Variants in RPL18 observed in about 807,000 individuals in gnomAD.
RPL18 encodes ribosomal protein L18.
RPL18 carries 4 observed loss-of-function variants against 25.0 expected under a neutral mutation model. The observed-to-expected ratio is 0.16, with a 90% CI of 0.08 to 0.37. The LOEUF (loss-of-function observed/expected upper bound fraction) is 0.37. Ranked by LOEUF, RPL18 falls within the 10% of genes least tolerant of loss-of-function variation. RPL18 has a pLI of 1.00. For synonymous variants in RPL18, 129 were observed against 101.6 expected (o/e 1.27, Z -1.62); for missense variants, 179 against 267.9 (o/e 0.67, Z 2.32).
At chr19:48,618,508 T>G (rs1974256323) in intron 1 of RPL18, 1 of 155,174 alleles carries the variant, frequency 6.4e-6, no homozygotes, top group African/African-American at 2.4e-5. Flanking sequence ...TTTTTCAGAC[T>G]GTGTTGACAA....
intron 1 of RPL18, 70 bp from the exon 2 acceptor site, chr19:48,617,947 A>C: frequency 8.2e-7 from 1 of 1,220,862 alleles, no homozygotes. Flanking sequence ...TTATTTCTGA[A>C]ACTGAGAGCT....
chr19:48,617,692 G>A, intron 2 of RPL18, 99 bp downstream of exon 2: 1 of 919,722 alleles, frequency 1.1e-6, no homozygotes. Flanking sequence ...AGACTGCTCT[G>A]CAGGCCCCTG....
chr19:48,616,830 G>C lies in RPL18; in HGVS notation c.199-6C>G. ...GGAAGCTTCATCTTCCGGATCTTAG[G>C]GTGGGGAGGATGTACGTCGTAAGTT... On this transcript the variant is annotated splice_polypyrimidine_tract_variant and splice_region_variant and intron_variant, in intron 3 of 6. Transcript: ENST00000549920. 1 of 1,606,934 alleles carries C rather than the reference G, an allele frequency of 6.2e-7. No individual in the cohort carries two copies.
At position 48,616,211 on chromosome 19, in the gene RPL18, G is replaced by T. The variant is rs533455813; in HGVS notation, c.298-9C>A. 1 of 1,613,418 alleles carries T rather than the reference G, an allele frequency of 6.2e-7. No individual in the cohort carries two copies. ...ACGCGCAGTGCACATACCTGGTGGA[G>T]AGGACAAGGCTGGCGGGTCAGACCC... On this transcript the variant is annotated splice_polypyrimidine_tract_variant and intron_variant, in intron 4 of 6. Transcript: ENST00000549920.
intron 2 of RPL18, 36 bp downstream of exon 2, chr19:48,617,755 G>A (rs1601141663): frequency 1.3e-6 from 2 of 1,537,430 alleles, no homozygotes; most frequent in Non-Finnish European, 1.8e-6. Flanking sequence ...CAGACCTGGG[G>A]TGACCCTTCC....
intron 4 of RPL18, 110 bp downstream of exon 4, chr19:48,616,616 A>G: frequency 1.2e-6 from 1 of 833,964 alleles, no homozygotes. Flanking sequence ...TGCTTGCCTC[A>G]CCAGCGGTGG....
At chr19:48,617,615 G>C (rs998197571) in intron 2 of RPL18, 176 bp downstream of exon 2, 1 of 684,482 alleles carries the variant, frequency 1.5e-6, no homozygotes, top group Admixed American at 2.8e-5. Flanking sequence ...CTCCACTCCC[G>C]AGCTGTACAC....
chr19:48,617,950 T>C (rs1974233534), intron 1 of RPL18, 73 bp from the exon 2 acceptor site: 3 of 1,202,674 alleles, frequency 2.5e-6, no homozygotes, highest in South Asian at 2.5e-5. Context: ...TTTCTGAAAC[T>C]GAGAGCTGGG....
chr19:48,616,154 C>T lies in RPL18; in HGVS notation c.346G>A (p.Ala116Thr). ...TSRARSRILR[A>T]GGKILTFDQL... is the part of the protein sequence containing the mutation. ...TCGAAAGTGAGGATCTTGCCCCCTG[C>T]CCTGAGGATGCGGCTGCGGGCCCGG... The change falls in exon 5 of 7, where the codon GCA becomes ACA. Residue 116 changes from alanine to threonine, a missense_variant. Coordinates refer to ENST00000549920, the MANE Select transcript of RPL18 (RefSeq NM_000979.4). 1.2e-6 allele frequency: 2 copies of T among 1,614,140 alleles called. No individual in the cohort carries two copies. Among genetic ancestry groups the T allele is most frequent in the Non-Finnish European group, 1.7e-6 (2 of 1,180,020 alleles).
At chr19:48,616,499 C>T (rs774159971) in intron 4 of RPL18, 4 of 698,566 alleles carry the variant, frequency 5.7e-6, no homozygotes, top group East Asian at 5.4e-5. Context: ...GGGGCCAGCA[C>T]TAACAGTTTA....
intron 6 of RPL18, 46 bp downstream of exon 6, chr19:48,615,831 C>T: frequency 6.5e-7 from 1 of 1,537,386 alleles, no homozygotes; most frequent in Non-Finnish European, 8.9e-7. Context: ...CCTGGCCCTG[C>T]AGGCTGAGTC....
In RPL18 at chr19:48,617,782, C is replaced by T. The variant is rs1373579449; in HGVS notation, c.90+9G>A. 1 of 1,611,428 alleles carries T rather than the reference C, an allele frequency of 6.2e-7. No homozygotes were observed. Among genetic ancestry groups the T allele is most frequent in the Non-Finnish European group, 8.5e-7 (1 of 1,177,668 alleles). ...GACCCTTCCCAAAGACCTCAGGGCC[C>T]AGCCTCACCTTGACCAACAGCCTCA... is the stretch of plus-strand genomic sequence containing the variant. On this transcript the variant is annotated intron_variant, in intron 2 of 6. Transcript: ENST00000549920.
At chr19:48,618,976 T>G (rs565279282) in intron 1 of RPL18, 165 bp downstream of exon 1, 1 of 693,388 alleles carries the variant, frequency 1.4e-6, no homozygotes, top group African/African-American at 1.8e-5. Context: ...AGGCTATGAC[T>G]GACCCATCCC....
In RPL18 at chr19:48,617,867, A is replaced by G. The variant is rs1460351240; in HGVS notation, c.14T>C (p.Ile5Thr). 6 of 1,613,782 alleles carry G rather than the reference A, an allele frequency of 3.7e-6. No individual in the cohort carries two copies. Among genetic ancestry groups the G allele is most frequent in the Non-Finnish European group, 5.1e-6 (6 of 1,179,820 alleles). The change falls in exon 2 of 7, where the codon ATC becomes ACC. Residue 5 changes from isoleucine (I) to threonine (T), a missense_variant. Coordinates refer to ENST00000549920, the MANE Select transcript of RPL18 (RefSeq NM_000979.4). Reference sequence around the variant, plus strand: ...AACCTTTCGGTCCTTGTTATGGCGGATGTCCACTCCCTGTGGGGGTGAAGA... The same window carrying G: ...AACCTTTCGGTCCTTGTTATGGCGGGTGTCCACTCCCTGTGGGGGTGAAGA... Reference protein sequence around the residue: MGVDIRHNKDRKVRR... With the variant: MGVDTRHNKDRKVRR...
Position 48,616,632 on chromosome 19 carries a change from C to A in RPL18, c.297+94G>T, listed in dbSNP as rs563921572. The A allele has an allele frequency of 1.2e-4, 109 of 930,002 alleles. No individual in the cohort carries two copies. In the African/African-American group the frequency reaches 1.5e-3, roughly 13 times the overall value. 57.6% of individuals were successfully genotyped at this position (930,002 alleles called of 1,614,324 possible). On this transcript the variant is annotated intron_variant, in intron 4 of 6. Coordinates refer to ENST00000549920, the MANE Select transcript of RPL18 (RefSeq NM_000979.4). ...GCTTGCCTCACCAGCGGTGGCAAGACTGAGGATGGACCAGCACAGCACAGC... is the reference window on the plus strand; with the variant it reads ...GCTTGCCTCACCAGCGGTGGCAAGAATGAGGATGGACCAGCACAGCACAGC...
At chr19:48,616,247 AC>A in intron 4 of RPL18, 45 bp from the exon 5 acceptor site, 2 of 1,605,700 alleles carry the variant, frequency 1.2e-6, no homozygotes, top group Non-Finnish European at 1.7e-6. Context: ...CTGCGTGGTC[AC>A]CCAGGGGCTG....
chr19:48,618,847 G>A (rs1974275969), intron 1 of RPL18: 2 of 520,262 alleles, frequency 3.8e-6, no homozygotes, highest in Non-Finnish European at 6.8e-6. Context: ...ATAACTAAGA[G>A]TGGCTGCGGG....
At chr19:48,617,160 A>C (rs753707980) in intron 3 of RPL18, 156 bp downstream of exon 3, 2 of 764,276 alleles carry the variant, frequency 2.6e-6, no homozygotes, top group African/African-American at 1.7e-5. Context: ...ATGGACACTC[A>C]GTTCCAACCA....
intron 3 of RPL18, 88 bp from the exon 4 acceptor site, chr19:48,616,912 C>A (rs1974193506): frequency 3.1e-6 from 3 of 969,292 alleles, no homozygotes; most frequent in Non-Finnish European, 5.0e-6. Flanking sequence ...GGCAGCTGTG[C>A]CCTCTAACGG....
Sources: gnomAD v4.1 joint callset for allele counts on GRCh38, gnomAD v4.1.1 for gene constraint, MANE v1.5 for transcripts, NCBI Gene and HGNC (gene_info 2026-07-23, HGNC 2026-07-21) for gene names.